The following NELL1 variants were observed in gnomAD, a reference collection of about 807,000 sequenced individuals.
NELL1 encodes the protein neural EGFL like 1, also known as protein kinase C-binding protein NELL1.
In NELL1, 76 loss-of-function variants were observed where a neutral mutation model predicts 107.4. That is an observed-to-expected ratio of 0.71 (90% CI 0.59 to 0.86). The LOEUF (loss-of-function observed/expected upper bound fraction) is 0.86, where lower values mean the gene tolerates loss of function less well. NELL1 is among the 40% of genes least tolerant of loss of function. NELL1 has a pLI of 0.00. For missense variants in NELL1, 1,024 were observed against 1,005.5 expected, an observed-to-expected ratio of 1.02 and a Z score of -0.25; for synonymous variants, 353 against 341.2, an observed-to-expected ratio of 1.03 and a Z score of -0.38.
At chr11:21,555,974 G>A (rs1856694305) in intron 16 of NELL1, among the ~76,000 whole-genome samples, 1 of 151,934 alleles carries the variant, frequency 6.6e-6, no homozygotes, top group Non-Finnish European at 1.5e-5. Context: ...AATTTATTGT[G>A]CAGGTTAAAA....
chr11:20,887,992 C>T (rs1271396436), intron 5 of NELL1, among the ~76,000 whole-genome samples: 1 of 151,850 alleles, frequency 6.6e-6, no homozygotes, highest in Admixed American at 6.6e-5. Context: ...TAAAAAACTT[C>T]TGTTTAAAAT....
intron 14 of NELL1, among the ~76,000 whole-genome samples, chr11:21,325,447 G>A (rs1171985210): frequency 6.6e-6 from 1 of 151,938 alleles, no homozygotes; most frequent in Non-Finnish European, 1.5e-5. Flanking sequence ...TTACCAGTGT[G>A]GCATGAGAAT....
intron 14 of NELL1, among the ~76,000 whole-genome samples, chr11:21,315,340 T>C (rs927092823): frequency 6.6e-6 from 1 of 152,196 alleles, no homozygotes; most frequent in Non-Finnish European, 1.5e-5. Flanking sequence ...CCTAGCTACA[T>C]GATCTTGCTT....
At chr11:21,540,968 CTTAT>C (rs1233153920) in intron 16 of NELL1, among the ~76,000 whole-genome samples, 3 of 152,052 alleles carry the variant, frequency 2.0e-5, no homozygotes, top group African/African-American at 4.8e-5. Context: ...TTTCTCCCCT[CTTAT>C]TTGTCTTCAT....
intron 5 of NELL1, among the ~76,000 whole-genome samples, chr11:20,915,728 T>A (rs1361048908): frequency 7.5e-6 from 1 of 133,224 alleles, no homozygotes; most frequent in African/African-American, 2.7e-5. Flanking sequence ...TTTTTTTTTT[T>A]TTTTTTTGAG....
At chr11:21,287,356 T>C (rs1197706543) in intron 14 of NELL1, among the ~76,000 whole-genome samples, 1 of 152,334 alleles carries the variant, frequency 6.6e-6, no homozygotes, top group Middle Eastern at 3.4e-3. Flanking sequence ...GTTCAATCTA[T>C]TTTCACAATG....
rs1188551210 is a variant in NELL1, at chr11:21,083,528, G to T, written c.1301-30061G>T. Among the ~76,000 whole-genome samples, 5 of 152,244 alleles carry T rather than the reference G, an allele frequency of 3.3e-5. 1 individual carries two copies. The highest frequency in any genetic ancestry group is 3.3e-4 in the Admixed American group (5 of 15,286). ...TGTTGGCAGTTACAATACAAATTGT[G>T]ATAGGATTCAAGCCCTATCACAGGG... On this transcript the variant is annotated intron_variant, in intron 12 of 19. Coordinates refer to ENST00000357134, the MANE Select transcript of NELL1 (RefSeq NM_006157.5).
chr11:21,303,773 C>T (rs1464166232), intron 14 of NELL1, among the ~76,000 whole-genome samples: 1 of 151,974 alleles, frequency 6.6e-6, no homozygotes, highest in Non-Finnish European at 1.5e-5. Context: ...GTCCATCACT[C>T]AGGTTGAAAC....
chr11:21,389,992 A>C (rs572975432), intron 15 of NELL1, among the ~76,000 whole-genome samples: 1 of 151,920 alleles, frequency 6.6e-6, no homozygotes, highest in African/African-American at 2.4e-5. Flanking sequence ...AGTTTCCCAA[A>C]GTTGTTATAC....
intron 15 of NELL1, among the ~76,000 whole-genome samples, chr11:21,495,636 G>A (rs1854958018): frequency 6.6e-6 from 1 of 152,114 alleles, no homozygotes; most frequent in Non-Finnish European, 1.5e-5. Flanking sequence ...CAATGGATGA[G>A]TATTCAAGTT....
chr11:21,036,023 A>T (rs1158193998), intron 12 of NELL1, among the ~76,000 whole-genome samples: 1 of 152,144 alleles, frequency 6.6e-6, no homozygotes, highest in Non-Finnish European at 1.5e-5. Flanking sequence ...AAGCTGATAA[A>T]CAACTTCAGC....
intron 2 of NELL1, among the ~76,000 whole-genome samples, chr11:20,688,811 C>G (rs1854375099): frequency 6.6e-6 from 1 of 152,142 alleles, no homozygotes. Context: ...TTTGAGAAAT[C>G]TCCAAACTGC....
chr11:21,567,608 G>A (rs1052598466), intron 17 of NELL1, among the ~76,000 whole-genome samples: 17 of 151,770 alleles, frequency 1.1e-4, no homozygotes, highest in African/African-American at 3.9e-4. Context: ...TAGCTGGCAT[G>A]TCTCCTTTCC....
At chr11:21,304,029 C>T (rs528998015) in intron 14 of NELL1, among the ~76,000 whole-genome samples, 1 of 152,044 alleles carries the variant, frequency 6.6e-6, no homozygotes, top group African/African-American at 2.4e-5. Flanking sequence ...CTCCCAGTGG[C>T]CACTCCTCTT....
At chr11:20,947,950 G>A (rs79467092) in intron 11 of NELL1, among the ~76,000 whole-genome samples, 4,607 of 152,158 alleles carry the variant, frequency 0.03, 116 homozygotes, top group South Asian at 0.1. Flanking sequence ...ATAACACTTG[G>A]TTGCTAATTA....
intron 13 of NELL1, among the ~76,000 whole-genome samples, chr11:21,175,318 A>T (rs1271692355): frequency 6.6e-6 from 1 of 151,434 alleles, no homozygotes; most frequent in Non-Finnish European, 1.5e-5. Flanking sequence ...CTTCAATTTC[A>T]TGTTTGCTCT....
intron 15 of NELL1, among the ~76,000 whole-genome samples, chr11:21,441,097 T>C (rs1241095734): frequency 6.6e-6 from 1 of 152,228 alleles, no homozygotes; most frequent in South Asian, 2.1e-4. Flanking sequence ...TAATCTTACC[T>C]CCTACATCTC....
At chr11:21,150,700 A>G (rs962702258) in intron 13 of NELL1, among the ~76,000 whole-genome samples, 11 of 152,196 alleles carry the variant, frequency 7.2e-5, no homozygotes, top group Non-Finnish European at 1.6e-4. Context: ...GAGGGACAGC[A>G]CACTACTCTT....
chr11:20,737,542 A>C (rs1400154601), intron 2 of NELL1, among the ~76,000 whole-genome samples: 1 of 152,170 alleles, frequency 6.6e-6, no homozygotes, highest in Non-Finnish European at 1.5e-5. Context: ...TACATGTGTA[A>C]AACAGGTAGA....
Sources: gnomAD v4.1 joint callset for allele counts (sites outside exome capture counted in the v4.1 genomes callset) on GRCh38, gnomAD v4.1.1 for gene constraint, MANE v1.5 for transcripts, NCBI Gene and HGNC (gene_info 2026-07-23, HGNC 2026-07-21) for gene names.